Variants in CDH23 observed in about 807,000 individuals in gnomAD.
CDH23 encodes cadherin related 23.
A neutral mutation model predicts 317.1 loss-of-function variants in CDH23; 189 were observed. The ratio of observed to expected loss-of-function variants is 0.60; its 90% CI spans 0.53 to 0.67. The LOEUF is 0.67. Ranked by LOEUF, CDH23 falls within the 30% of genes least tolerant of loss-of-function variation. CDH23 has a pLI of 0.00. For missense variants in CDH23, 4,401 were observed against 4,592.4 expected, an observed-to-expected ratio of 0.96 and a Z score of 1.20; for synonymous variants, 1,839 against 1,876.8, an observed-to-expected ratio of 0.98 and a Z score of 0.52.
At chr10:71,554,573 C>T (rs756540095) in intron 6 of CDH23, among the ~76,000 whole-genome samples, 4 of 152,178 alleles carry the variant, frequency 2.6e-5, no homozygotes, top group Admixed American at 6.5e-5. Flanking sequence ...CCAGCCCCTG[C>T]AGCCCTGGGT....
chr10:71,460,495 G>T (rs773547668), intron 3 of CDH23, among the ~76,000 whole-genome samples: 2 of 152,268 alleles, frequency 1.3e-5, no homozygotes, highest in Non-Finnish European at 2.9e-5. Context: ...GCTGGCGTCC[G>T]ACTGGAGTGA....
At chr10:71,654,771 G>C (rs760554313) in intron 14 of CDH23, among the ~76,000 whole-genome samples, 1 of 152,224 alleles carries the variant, frequency 6.6e-6, no homozygotes, top group Admixed American at 6.5e-5. Context: ...CAGCATGGGA[G>C]TTCTGAGCAG....
In CDH23 at chr10:71,639,553, A is replaced by G. The variant is rs115144514; in HGVS notation, c.1135-4308A>G. ...GTAGTGGGAAGGCCAGGAGAGCTGC[A>G]TGGTTAAGAGCTCTGACTCCGAGGC... On this transcript the variant is annotated intron_variant, in intron 11 of 69. Transcript: ENST00000224721. 7.8e-3 allele frequency among the ~76,000 whole-genome samples: 1,192 copies of G among 152,298 alleles called. 16 individuals are homozygous for G. The highest frequency in any genetic ancestry group is 0.027 in the African/African-American group (1,128 of 41,556).
At chr10:71,771,616 T>A (rs1190523206) in intron 38 of CDH23, among the ~76,000 whole-genome samples, 1 of 152,232 alleles carries the variant, frequency 6.6e-6, no homozygotes, top group South Asian at 2.1e-4. Context: ...CCCAGAGCAA[T>A]TCAAATGCTT....
intron 31 of CDH23, among the ~76,000 whole-genome samples, 157 bp from the exon 32 acceptor site, chr10:71,731,830 C>T (rs1839398410): frequency 6.6e-6 from 1 of 152,198 alleles, no homozygotes; most frequent in African/African-American, 2.4e-5. Context: ...CTTAACACAT[C>T]CTCTGCTGCA....
chr10:71,500,613 G>A (rs958745745), intron 3 of CDH23, among the ~76,000 whole-genome samples: 2 of 152,206 alleles, frequency 1.3e-5, no homozygotes, highest in Admixed American at 1.3e-4. Context: ...GCTTTGGGGT[G>A]AGAAGAAGGC....
intron 3 of CDH23, among the ~76,000 whole-genome samples, chr10:71,481,733 C>G (rs1321703718): frequency 6.6e-6 from 1 of 152,220 alleles, no homozygotes; most frequent in Non-Finnish European, 1.5e-5. Flanking sequence ...CTCCACAATT[C>G]CATCCTGAGC....
intron 66 of CDH23, chr10:71,812,257 G>A (rs1263364149): frequency 6.3e-7 from 1 of 1,599,258 alleles, no homozygotes; most frequent in African/African-American, 1.3e-5. Flanking sequence ...TGGGTGCAGG[G>A]TGAAGCCTCT....
Position 71,815,079 on chromosome 10 carries a change from C to T in CDH23, c.9866C>T (p.Thr3289Met), listed in dbSNP as rs922748358. The change falls in exon 70 of 70, where the codon ACG (threonine) becomes ATG (methionine). Residue 3289 changes from threonine to methionine, a missense_variant. Around this residue, in one of 3 missense-constraint regions of CDH23, gnomAD observed 1,144 missense variants for 1,138.2 expected, o/e 1.01. Coordinates refer to ENST00000224721, the MANE Select transcript of CDH23 (RefSeq NM_022124.6). ...PDGIHVVHGS[T>M]GTLLATDLNS... The stretch of plus-strand genomic sequence containing the variant: ...GGGATCCATGTGGTGCACGGCAGCA[C>T]GGGCACGCTGCTGGCCACCGACCTC... The T allele has an allele frequency of 5.0e-6, 8 of 1,611,388 alleles. No homozygotes were observed. In the South Asian group the frequency reaches 5.5e-5, roughly 11 times the overall value.
chr10:71,814,675 A>G (rs1842061050), intron 69 of CDH23, among the ~76,000 whole-genome samples: 1 of 65,640 alleles, frequency 1.5e-5, no homozygotes, highest in Non-Finnish European at 3.1e-5. Context: ...TTTCACAAGA[A>G]GCCGATACAC....
intron 11 of CDH23, 51 bp from the exon 12 acceptor site, chr10:71,643,810 G>A: frequency 1.3e-6 from 1 of 764,924 alleles, no homozygotes. Context: ...TACCTCTCCG[G>A]CTCCTTCTGT....
rs755194083 is a variant in CDH23 at position 71,617,282 on chromosome 10, C to A, written c.1023C>A (p.Ile341=). The change falls in exon 11 of 70, where the codon ATC becomes ATA. Residue 341 remains isoleucine, a synonymous_variant. Transcript: ENST00000224721. ...CCTTCAATATCCTGGTTATTGACAT[C>A]AATGACAATGCCCCGGAGTTCAACA... is the stretch of plus-strand genomic sequence containing the variant. ...TTTFNILVID[I]NDNAPEFNSS... is the part of the protein sequence containing the mutation. 1.2e-6 allele frequency: 2 copies of A among 1,614,010 alleles called. No individual in the cohort carries two copies. The highest frequency in any genetic ancestry group is 4.5e-5 in the East Asian group (2 of 44,886).
At chr10:71,788,906 T>C (rs1238312737) in intron 44 of CDH23, 34 bp from the exon 45 acceptor site, 1 of 1,104,914 alleles carries the variant, frequency 9.1e-7, no homozygotes, top group Non-Finnish European at 1.4e-6. Flanking sequence ...TTGCTGAGCA[T>C]GGCCTACAAC....
chr10:71,798,418 C>A lies in CDH23; in HGVS notation c.6894C>A (p.Ile2298=), dbSNP rs774774091. The A allele has an allele frequency of 6.2e-7, 1 of 1,613,986 alleles. No individual in the cohort carries two copies. Among genetic ancestry groups the A allele is most frequent in the Non-Finnish European group, 8.5e-7 (1 of 1,179,860 alleles). ...DNTPQFKPFG[I]TYYMERILEG... is the part of the protein sequence containing the mutation. ...CGCCCCAGTTCAAGCCCTTTGGGATCACCTACTACATGGAGCGGATCCTGG... is the reference window on the plus strand; with the variant it reads ...CGCCCCAGTTCAAGCCCTTTGGGATAACCTACTACATGGAGCGGATCCTGG... Residue 2298 remains isoleucine (I), a synonymous_variant, in exon 50 of 70, where the codon ATC becomes ATA. Transcript: ENST00000224721.
chr10:71,420,493 GATGGTA>G, intron 1 of CDH23, among the ~76,000 whole-genome samples: 3 of 149,856 alleles, frequency 2.0e-5, no homozygotes, highest in Non-Finnish European at 1.5e-5. Flanking sequence ...TGATGGTGAT[GATGGTA>G]ATGGTGATGG....
At chr10:71,465,664 A>G (rs546485978) in intron 3 of CDH23, among the ~76,000 whole-genome samples, 40 of 152,328 alleles carry the variant, frequency 2.6e-4, no homozygotes, top group Non-Finnish European at 5.0e-4. Context: ...TCAGTCCAGG[A>G]ATGAAATAAC....
At chr10:71,583,710 G>A (rs573717245) in intron 9 of CDH23, among the ~76,000 whole-genome samples, 2 of 152,318 alleles carry the variant, frequency 1.3e-5, no homozygotes, top group Admixed American at 1.3e-4. Flanking sequence ...CCATCCCCGA[G>A]TGACGGGAGG....
At chr10:71,508,786 A>G (rs889780416) in intron 3 of CDH23, among the ~76,000 whole-genome samples, 2 of 152,220 alleles carry the variant, frequency 1.3e-5, no homozygotes, top group African/African-American at 4.8e-5. Flanking sequence ...GAGGAAGACT[A>G]TAGACATTGT....
Position 71,527,557 on chromosome 10 carries a change from G to A in CDH23, c.429+16345G>A, listed in dbSNP as rs145281696. Among the ~76,000 whole-genome samples, 541 of 152,328 alleles carry A rather than the reference G, an allele frequency of 3.6e-3. 4 individuals are homozygous for A. Among genetic ancestry groups the A allele is most frequent in the Non-Finnish European group, 4.7e-3 (321 of 68,024 alleles). ...ACTGGGCGTGCACAGTTCATGGCCT[G>A]GATGCTTGGTTTTGTCTCCCTGTGA... On this transcript the variant is annotated intron_variant, in intron 6 of 69. Transcript: ENST00000224721.
Sources: allele counts gnomAD v4.1 joint callset (sites outside exome capture counted in the v4.1 genomes callset), GRCh38; gene constraint gnomAD v4.1.1; regional missense constraint gnomAD v4.1.1; transcripts MANE v1.5; gene names NCBI Gene and HGNC (gene_info 2026-07-23, HGNC 2026-07-21).